The following PLD5 variants were observed in gnomAD, a reference collection of about 807,000 sequenced individuals.
The protein encoded by PLD5 is phospholipase D family member 5, also known as inactive phospholipase D5.
Under a neutral mutation model 61.1 loss-of-function variants are expected in PLD5, and 36 were observed. That is an observed-to-expected ratio of 0.59 (90% CI 0.45 to 0.78). The LOEUF is 0.78. Among genes scored for constraint, PLD5 ranks in the 30% least tolerant of loss-of-function variants. The probability of loss-of-function intolerance (pLI) is 0.00; values close to 1 mark genes in which losing one functional copy is unlikely to be tolerated. For synonymous variants in PLD5, 243 were observed against 242.8 expected, an observed-to-expected ratio of 1.00 and a Z score of -0.01; for missense variants, 515 against 644.4, an observed-to-expected ratio of 0.80 and a Z score of 2.17.
rs34614263 is a variant in PLD5, at chr1:242,342,751, CAA to C, written c.326+5353_326+5354del. Among the ~76,000 whole-genome samples, 113 of 149,192 alleles carry C rather than the reference CAA, an allele frequency of 7.6e-4. 1 individual carries two copies. Among genetic ancestry groups the C allele is most frequent in the African/African-American group, 2.0e-3 (80 of 40,548 alleles). ...TGCCCAGAAATCCAATACAAAGAGA[CAA>C]AAAAAAAAAGGTCATTTACTGGCAA... On this transcript the variant is annotated intron_variant, in intron 2 of 9. Transcript: ENST00000536534.
intron 3 of PLD5, among the ~76,000 whole-genome samples, chr1:242,282,659 T>C (rs1252175986): frequency 6.6e-6 from 1 of 152,168 alleles, no homozygotes; most frequent in Non-Finnish European, 1.5e-5. Flanking sequence ...AGTGAATTCA[T>C]AGAGTGTGAG....
chr1:242,131,264 C>A (rs566773848), intron 5 of PLD5, among the ~76,000 whole-genome samples: 1 of 152,260 alleles, frequency 6.6e-6, no homozygotes, highest in South Asian at 2.1e-4. Context: ...CGAGATTGTG[C>A]CACTGCACTT....
intron 5 of PLD5, among the ~76,000 whole-genome samples, chr1:242,165,126 C>A (rs1435706791): frequency 6.6e-6 from 1 of 151,746 alleles, no homozygotes; most frequent in East Asian, 1.9e-4. Flanking sequence ...ATTCCTTTCA[C>A]AGAAGAAAAT....
chr1:242,168,574 G>A (rs1392329794), intron 5 of PLD5, among the ~76,000 whole-genome samples: 1 of 152,076 alleles, frequency 6.6e-6, no homozygotes, highest in Non-Finnish European at 1.5e-5. Flanking sequence ...TAAAGGTTTT[G>A]GGGCATTCAT....
chr1:242,241,887 A>ACACTTAC (rs370831763), intron 4 of PLD5, among the ~76,000 whole-genome samples: 2 of 33,640 alleles, frequency 5.9e-5, no homozygotes, highest in African/African-American at 2.2e-4. Context: ...ATATATATAT[A>ACACTTAC]TATATATATA....
At chr1:242,133,363 C>T (rs1420922392) in intron 5 of PLD5, among the ~76,000 whole-genome samples, 1 of 152,122 alleles carries the variant, frequency 6.6e-6, no homozygotes, top group Non-Finnish European at 1.5e-5. Flanking sequence ...GTATTTACAC[C>T]CCAGAAAATT....
At position 242,157,839 on chromosome 1, in the gene PLD5, C is replaced by T. The variant is rs113856788; in HGVS notation, c.736-33174G>A. 3.2e-3 allele frequency among the ~76,000 whole-genome samples: 481 copies of T among 152,324 alleles called. 17 individuals are homozygous for T. The East Asian group carries it at 0.056, about 18-fold the overall frequency. On this transcript the variant is annotated intron_variant, in intron 5 of 9. Coordinates refer to ENST00000536534, the MANE Select transcript of PLD5 (RefSeq NM_001372062.1). ...AGTCTGACCCTTAGCAAAGCTCCAA[C>T]GCTGTGCTGGGGGATCTGCTGCTCT...
rs147235737 is a variant in PLD5 at position 242,328,885 on chromosome 1, T to C, written c.326+19221A>G. On this transcript the variant is annotated intron_variant, in intron 2 of 9. Transcript: ENST00000536534. ...AACTTTCTGTCTCACTTGATTTTAC[T>C]ATGGCATTTGACAGTCTCTTTTCAG... Among the ~76,000 whole-genome samples the C allele has an allele frequency of 5.7e-3, 866 of 152,344 alleles. 2 individuals are homozygous for C. Among genetic ancestry groups the C allele is most frequent in the Non-Finnish European group, 8.2e-3 (561 of 68,028 alleles).
chr1:242,368,961 C>T (rs1167372781), intron 1 of PLD5, among the ~76,000 whole-genome samples: 3 of 152,144 alleles, frequency 2.0e-5, no homozygotes, highest in African/African-American at 4.8e-5. Context: ...GTGTCACCAC[C>T]GTTTGCTCAA....
intron 5 of PLD5, among the ~76,000 whole-genome samples, chr1:242,145,782 C>T (rs1294119260): frequency 6.6e-6 from 1 of 152,160 alleles, no homozygotes; most frequent in Non-Finnish European, 1.5e-5. Flanking sequence ...AAGTGATTCT[C>T]TTGCCTCAGC....
chr1:242,430,287 T>C (rs901446761), intron 1 of PLD5, among the ~76,000 whole-genome samples: 3 of 152,154 alleles, frequency 2.0e-5, no homozygotes, highest in African/African-American at 7.2e-5. Context: ...ACTGGTCTGG[T>C]TCCTCAGTGA....
chr1:242,270,686 C>T (rs1451255845), intron 3 of PLD5, among the ~76,000 whole-genome samples: 1 of 152,142 alleles, frequency 6.6e-6, no homozygotes, highest in East Asian at 1.9e-4. Context: ...CAGAATAATT[C>T]TTAGCCCTAT....
chr1:242,235,803 T>G (rs1671602428), intron 4 of PLD5: 1 of 152,112 alleles, frequency 6.6e-6, no homozygotes, highest in African/African-American at 2.4e-5. Flanking sequence ...GAGAGGCATG[T>G]TGTTAACAGA....
chr1:242,144,486 A>G (rs776568649), intron 5 of PLD5, among the ~76,000 whole-genome samples: 8 of 152,198 alleles, frequency 5.3e-5, no homozygotes, highest in Non-Finnish European at 1.0e-4. Flanking sequence ...ATGTGGGGAT[A>G]GAGAATGAAA....
intron 1 of PLD5, among the ~76,000 whole-genome samples, chr1:242,508,096 G>A (rs1330819693): frequency 6.6e-6 from 1 of 151,854 alleles, no homozygotes; most frequent in Non-Finnish European, 1.5e-5. Context: ...GGGCACAGTG[G>A]CTCATGCCTG....
intron 5 of PLD5, among the ~76,000 whole-genome samples, chr1:242,151,160 ATTG>A: frequency 6.6e-6 from 1 of 152,080 alleles, no homozygotes; most frequent in South Asian, 2.1e-4. Context: ...CATACAATAT[ATTG>A]TTATGTTTTC....
intron 1 of PLD5, among the ~76,000 whole-genome samples, chr1:242,423,119 G>C (rs2342268): frequency 0.16 from 24,919 of 152,020 alleles, 2,344 homozygotes; most frequent in African/African-American, 0.25. Flanking sequence ...CCAAAATGCT[G>C]AGATTACAGG....
chr1:242,330,458 C>T (rs968163151), intron 2 of PLD5, among the ~76,000 whole-genome samples: 5 of 152,142 alleles, frequency 3.3e-5, no homozygotes, highest in African/African-American at 1.2e-4. Context: ...CTCTGTCATC[C>T]CCTAGAGTCA....
At chr1:242,275,034 A>G (rs1055229943) in intron 3 of PLD5, among the ~76,000 whole-genome samples, 1 of 152,128 alleles carries the variant, frequency 6.6e-6, no homozygotes, top group Non-Finnish European at 1.5e-5. Context: ...TCTTGGATAT[A>G]CCATTATCCT....
Sources: allele counts gnomAD v4.1 joint callset (sites outside exome capture counted in the v4.1 genomes callset), GRCh38; gene constraint gnomAD v4.1.1; transcripts MANE v1.5; gene names NCBI Gene and HGNC (gene_info 2026-07-23, HGNC 2026-07-21).